OCA2: variants seen among roughly 807,000 people sequenced by gnomAD.
OCA2 encodes the protein P protein.
A neutral mutation model predicts 100.2 loss-of-function variants in OCA2; 77 were observed. The observed-to-expected ratio is 0.77, with a 90% CI of 0.64 to 0.93. The LOEUF (loss-of-function observed/expected upper bound fraction) is 0.93. Among genes scored for constraint, OCA2 ranks in the 40% least tolerant of loss-of-function variants. The pLI, the probability that OCA2 is intolerant of heterozygous loss-of-function variation, is 0.00. For synonymous variants in OCA2, 432 were observed against 439.2 expected (o/e 0.98, Z 0.21); for missense variants, 1,062 against 1,089.1 (o/e 0.98, Z 0.35).
intron 19 of OCA2, among the ~76,000 whole-genome samples, chr15:27,876,588 A>G (rs2036800922): frequency 6.6e-6 from 1 of 151,986 alleles, no homozygotes; most frequent in African/African-American, 2.4e-5. Context: ...TCCTTCTGTA[A>G]ATAATTTTAA....
At chr15:27,988,496 G>A (rs2041435408) in intron 11 of OCA2, among the ~76,000 whole-genome samples, 2 of 151,796 alleles carry the variant, frequency 1.3e-5, no homozygotes. Flanking sequence ...AAACACACGG[G>A]GAAGACAAAG....
intron 19 of OCA2, among the ~76,000 whole-genome samples, chr15:27,875,508 C>T (rs1461172439): frequency 4.6e-5 from 7 of 152,086 alleles, no homozygotes. Context: ...TGAATGTCTA[C>T]ATAAATTGTG....
chr15:28,086,853 G>A (rs1221297183), intron 1 of OCA2, among the ~76,000 whole-genome samples: 1 of 152,106 alleles, frequency 6.6e-6, no homozygotes, highest in South Asian at 2.1e-4. Flanking sequence ...TCAATAAGTG[G>A]AAGATAGAAC....
rs375281082 is a variant in OCA2 at position 27,955,222 on chromosome 15, G to A, written c.1785-7C>T. 1.3e-6 allele frequency: 2 copies of A among 1,598,004 alleles called. No individual in the cohort carries two copies. Among genetic ancestry groups the A allele is most frequent in the Non-Finnish European group, 1.7e-6 (2 of 1,165,290 alleles). ...GTCCTCCTGTGAGATCTGTCTAAAAGAGAAAAGAAGAGACTCATTACTTCC... is the reference window on the plus strand; with the variant it reads ...GTCCTCCTGTGAGATCTGTCTAAAAAAGAAAAGAAGAGACTCATTACTTCC... On this transcript the variant is annotated splice_polypyrimidine_tract_variant and splice_region_variant and intron_variant, in intron 16 of 23. Coordinates refer to ENST00000354638, the MANE Select transcript of OCA2 (RefSeq NM_000275.3).
intron 23 of OCA2, among the ~76,000 whole-genome samples, chr15:27,842,425 A>G (rs1328892252): frequency 2.0e-5 from 3 of 152,260 alleles, no homozygotes; most frequent in Non-Finnish European, 2.9e-5. Flanking sequence ...AACATTCTGC[A>G]ATGTGTATCA....
chr15:27,970,942 G>A (rs1243320260), intron 14 of OCA2, among the ~76,000 whole-genome samples: 2 of 151,626 alleles, frequency 1.3e-5, no homozygotes, highest in East Asian at 2.0e-4. Flanking sequence ...TGCACAGTAC[G>A]GCAGGGAAAG....
intron 9 of OCA2, among the ~76,000 whole-genome samples, chr15:28,013,926 T>A (rs952967528): frequency 6.6e-6 from 1 of 152,190 alleles, no homozygotes; most frequent in African/African-American, 2.4e-5. Context: ...CTGTGAGTGG[T>A]CCTTGTTAGA....
chr15:28,088,564 G>A (rs79974247), intron 1 of OCA2, among the ~76,000 whole-genome samples: 6,954 of 152,242 alleles, frequency 0.046, 270 homozygotes, highest in Admixed American at 0.13. Context: ...GTGTCGGCTG[G>A]TCTGAGAAAT....
At chr15:27,948,333 T>G (rs991623807) in intron 18 of OCA2, among the ~76,000 whole-genome samples, 1 of 152,054 alleles carries the variant, frequency 6.6e-6, no homozygotes, top group Non-Finnish European at 1.5e-5. Context: ...AAATAAAATC[T>G]ACACCCACCA....
At chr15:28,002,691 G>C (rs1389862899) in intron 9 of OCA2, among the ~76,000 whole-genome samples, 2 of 152,136 alleles carry the variant, frequency 1.3e-5, no homozygotes, top group Non-Finnish European at 2.9e-5. Flanking sequence ...GGCCACGCGG[G>C]AGCCTCACAG....
chr15:27,865,143 T>A (rs1017807484), intron 21 of OCA2, among the ~76,000 whole-genome samples: 3 of 151,826 alleles, frequency 2.0e-5, no homozygotes, highest in Admixed American at 1.3e-4. Context: ...CTTGGAGAGA[T>A]GACGCCATCG....
At chr15:28,045,122 TG>T (rs1346830269) in intron 2 of OCA2, among the ~76,000 whole-genome samples, 1 of 152,232 alleles carries the variant, frequency 6.6e-6, no homozygotes, top group Non-Finnish European at 1.5e-5. Context: ...TCCCTTTTTC[TG>T]CCTTATTTTG....
intron 2 of OCA2, among the ~76,000 whole-genome samples, chr15:28,060,390 A>G (rs2043836090): frequency 2.0e-5 from 3 of 152,246 alleles, no homozygotes; most frequent in African/African-American, 7.2e-5. Context: ...CTTGAAATAC[A>G]AAATGAGCAA....
At chr15:27,854,594 C>G (rs2035885297) in intron 21 of OCA2, among the ~76,000 whole-genome samples, 1 of 152,150 alleles carries the variant, frequency 6.6e-6, no homozygotes, top group Non-Finnish European at 1.5e-5. Context: ...CCATGCAGTC[C>G]CTGAGGCACT....
At chr15:27,798,723 A>C (rs2033454676) in intron 23 of OCA2, among the ~76,000 whole-genome samples, 1 of 152,216 alleles carries the variant, frequency 6.6e-6, no homozygotes. Flanking sequence ...TAATTATTAC[A>C]CAAACAGTGG....
In OCA2 at chr15:27,774,796, G is replaced by A. The variant is rs528677029; in HGVS notation, c.2433-19324C>T. ...TAGACACACAGAGAGGCAGCCGGACGCACAGAGGAAAGACCCAGTGAAGAC... is the reference window on the plus strand; with the variant it reads ...TAGACACACAGAGAGGCAGCCGGACACACAGAGGAAAGACCCAGTGAAGAC... On this transcript the variant is annotated intron_variant, in intron 23 of 23. Coordinates refer to ENST00000354638, the MANE Select transcript of OCA2 (RefSeq NM_000275.3). Among the ~76,000 whole-genome samples the A allele has an allele frequency of 2.0e-5, 3 of 152,222 alleles. No individual in the cohort carries two copies. In the East Asian group the frequency reaches 5.8e-4, roughly 30 times the overall value.
chr15:27,898,910 C>T (rs1190106540), intron 19 of OCA2, among the ~76,000 whole-genome samples: 1 of 152,168 alleles, frequency 6.6e-6, no homozygotes, highest in Non-Finnish European at 1.5e-5. Context: ...TCTATATAAT[C>T]TTTTCCAGAA....
intron 18 of OCA2, among the ~76,000 whole-genome samples, chr15:27,951,368 C>G (rs1595705514): frequency 6.6e-6 from 1 of 152,360 alleles, no homozygotes; most frequent in Non-Finnish European, 1.5e-5. Flanking sequence ...CCAGGGCTCT[C>G]CCGAACAGAC....
intron 23 of OCA2, among the ~76,000 whole-genome samples, chr15:27,763,513 A>G (rs12904598): frequency 0.053 from 8,101 of 152,300 alleles, 307 homozygotes; most frequent in South Asian, 0.13. Flanking sequence ...CTGAAGCTAT[A>G]TGAGTGGAAA....
Sources: allele counts gnomAD v4.1 joint callset (sites outside exome capture counted in the v4.1 genomes callset), GRCh38; gene constraint gnomAD v4.1.1; transcripts MANE v1.5; gene names NCBI Gene and HGNC (gene_info 2026-07-23, HGNC 2026-07-21).